Variants in GABRB1 observed in about 807,000 individuals in gnomAD.
The protein encoded by GABRB1 is gamma-aminobutyric acid receptor subunit beta-1.
GABRB1 carries 17 observed loss-of-function variants against 51.6 expected under a neutral mutation model. The ratio of observed to expected loss-of-function variants is 0.33; its 90% CI spans 0.23 to 0.49. The LOEUF (loss-of-function observed/expected upper bound fraction) is 0.49, where lower values mean the gene tolerates loss of function less well. Among genes scored for constraint, GABRB1 ranks in the 20% least tolerant of loss-of-function variants. The pLI is 0.99. For synonymous variants in GABRB1, 247 were observed against 218.9 expected (o/e 1.13, Z -1.14); for missense variants, 410 against 600.6 (o/e 0.68, Z 3.32).
chr4:47,416,910 G>T (rs1460400959), intron 8 of GABRB1, among the ~76,000 whole-genome samples: 1 of 152,130 alleles, frequency 6.6e-6, no homozygotes, highest in Non-Finnish European at 1.5e-5. Flanking sequence ...ATGGTGGAAA[G>T]AACAAGGCAT....
intron 5 of GABRB1, among the ~76,000 whole-genome samples, chr4:47,353,736 G>A (rs115778061): frequency 6.6e-6 from 1 of 152,056 alleles, no homozygotes; most frequent in Admixed American, 6.6e-5. Flanking sequence ...TATAAAAACA[G>A]CAGTCCCTTA....
intron 3 of GABRB1, among the ~76,000 whole-genome samples, chr4:47,146,317 TC>T (rs1717170514): frequency 6.6e-6 from 1 of 151,930 alleles, no homozygotes; most frequent in Non-Finnish European, 1.5e-5. Flanking sequence ...CCCCTCTCTC[TC>T]CCCCTTTTCC....
chr4:47,371,687 C>T (rs1193279006), intron 5 of GABRB1, among the ~76,000 whole-genome samples: 1 of 152,022 alleles, frequency 6.6e-6, no homozygotes, highest in Non-Finnish European at 1.5e-5. Context: ...TCTAATGATC[C>T]GTGATGTTGA....
chr4:47,000,913 A>G (rs991762657), intron 1 of GABRB1, among the ~76,000 whole-genome samples: 1 of 152,180 alleles, frequency 6.6e-6, no homozygotes, highest in African/African-American at 2.4e-5. Flanking sequence ...AACCAGATTC[A>G]TGCAGAGGGG....
At chr4:47,267,980 T>G (rs1722706524) in intron 4 of GABRB1, among the ~76,000 whole-genome samples, 1 of 152,106 alleles carries the variant, frequency 6.6e-6, no homozygotes, top group Non-Finnish European at 1.5e-5. Context: ...TAAAAAAATT[T>G]CAGAGAGGTT....
chr4:47,177,763 T>C (rs1691368313), intron 4 of GABRB1, among the ~76,000 whole-genome samples: 1 of 151,948 alleles, frequency 6.6e-6, no homozygotes, highest in East Asian at 1.9e-4. Context: ...GCTGTAATGA[T>C]ATCCATCTTT....
chr4:47,305,232 G>A (rs565716420), intron 4 of GABRB1, among the ~76,000 whole-genome samples: 1 of 152,140 alleles, frequency 6.6e-6, no homozygotes, highest in African/African-American at 2.4e-5. Context: ...AGCTTAATTT[G>A]AGCATACTTT....
In GABRB1 at chr4:47,125,559, C is replaced by CTTTTTT. The variant is rs71195605; in HGVS notation, c.241-35681_241-35676dup. Among the ~76,000 whole-genome samples the CTTTTTT allele has an allele frequency of 7.7e-3, 620 of 80,702 alleles. 82 individuals are homozygous for CTTTTTT. Among genetic ancestry groups the CTTTTTT allele is most frequent in the African/African-American group, 0.015 (396 of 25,658 alleles). The allele number at this position is 80,702 out of a possible 152,430, so 52.9% of individuals were successfully genotyped here. On this transcript the variant is annotated intron_variant, in intron 3 of 8. Coordinates refer to ENST00000295454, the MANE Select transcript of GABRB1 (RefSeq NM_000812.4). ...CTCTAGACACAACAAAGTATAATTT[C>CTTTTTT]TTTTTTTTTTTTTTGAGACGGAGTC... is the stretch of plus-strand genomic sequence containing the variant.
At chr4:47,323,495 A>C (rs1053161739) in intron 5 of GABRB1, among the ~76,000 whole-genome samples, 3 of 152,206 alleles carry the variant, frequency 2.0e-5, no homozygotes, top group Non-Finnish European at 4.4e-5. Flanking sequence ...TCACAAAGAA[A>C]CGTGTTATTT....
At chr4:47,340,952 C>A (rs1725870295) in intron 5 of GABRB1, among the ~76,000 whole-genome samples, 1 of 152,146 alleles carries the variant, frequency 6.6e-6, no homozygotes, top group Non-Finnish European at 1.5e-5. Flanking sequence ...GGATCTTATG[C>A]TCTGACTGGC....
intron 1 of GABRB1, among the ~76,000 whole-genome samples, chr4:46,996,968 C>G (rs1262879114): frequency 1.3e-5 from 2 of 152,092 alleles, no homozygotes; most frequent in Non-Finnish European, 2.9e-5. Context: ...GATATAGGCC[C>G]AGTTTGAAAT....
intron 4 of GABRB1, among the ~76,000 whole-genome samples, chr4:47,169,324 T>A (rs1459352518): frequency 6.6e-6 from 1 of 152,198 alleles, no homozygotes; most frequent in Non-Finnish European, 1.5e-5. Flanking sequence ...TGCTTCCTCT[T>A]ATTTAGCAGT....
intron 4 of GABRB1, among the ~76,000 whole-genome samples, chr4:47,189,022 A>G (rs1257914812): frequency 2.0e-5 from 3 of 152,050 alleles, no homozygotes; most frequent in African/African-American, 7.2e-5. Context: ...TGGGAAAGAA[A>G]TAACTGCAGT....
At chr4:47,331,928 T>C (rs1306523168) in intron 5 of GABRB1, among the ~76,000 whole-genome samples, 2 of 152,216 alleles carry the variant, frequency 1.3e-5, no homozygotes, top group Non-Finnish European at 2.9e-5. Context: ...TTAGCCCTTA[T>C]AGTCTCTTGA....
intron 3 of GABRB1, among the ~76,000 whole-genome samples, chr4:47,051,755 C>T (rs920745148): frequency 2.0e-5 from 3 of 152,162 alleles, no homozygotes; most frequent in African/African-American, 7.2e-5. Flanking sequence ...AAGCACTGGA[C>T]TTTTAATAGT....
intron 1 of GABRB1, among the ~76,000 whole-genome samples, chr4:47,015,956 T>C (rs1724729629): frequency 6.6e-6 from 1 of 152,016 alleles, no homozygotes; most frequent in African/African-American, 2.4e-5. Flanking sequence ...CAAATAGAGG[T>C]TTTGGCCAAA....
chr4:47,374,095 T>G (rs1193166641), intron 5 of GABRB1, among the ~76,000 whole-genome samples: 1 of 152,086 alleles, frequency 6.6e-6, no homozygotes, highest in Non-Finnish European at 1.5e-5. Flanking sequence ...AGAAAATGAG[T>G]GAACAATCAG....
chr4:47,341,260 T>C (rs995947702), intron 5 of GABRB1, among the ~76,000 whole-genome samples: 1 of 152,146 alleles, frequency 6.6e-6, no homozygotes, highest in Non-Finnish European at 1.5e-5. Context: ...AGTTCAGTTA[T>C]AAAAGCAATC....
At chr4:46,994,141 G>T (rs1379766211) in intron 1 of GABRB1, 1 of 152,298 alleles carries the variant, frequency 6.6e-6, no homozygotes, top group Non-Finnish European at 1.5e-5. Context: ...AGGGGTTGCA[G>T]CTCACCCGGC....
Sources: allele counts gnomAD v4.1 joint callset (sites outside exome capture counted in the v4.1 genomes callset), GRCh38; gene constraint gnomAD v4.1.1; transcripts MANE v1.5; gene names NCBI Gene and HGNC (gene_info 2026-07-23, HGNC 2026-07-21).